RBFOX1: variants seen among roughly 807,000 people sequenced by gnomAD.
The protein encoded by RBFOX1 is RNA binding protein fox-1 homolog 1.
RBFOX1 carries 8 observed loss-of-function variants against 57.7 expected under a neutral mutation model. That is an observed-to-expected ratio of 0.14 (90% CI 0.08 to 0.25). The LOEUF is 0.25. Ranked by LOEUF, RBFOX1 falls within the 10% of genes least tolerant of loss-of-function variation. The pLI is 1.00. For missense variants in RBFOX1, 611 were observed against 548.5 expected, an observed-to-expected ratio of 1.11 and a Z score of -1.14; for synonymous variants, 326 against 222.4, an observed-to-expected ratio of 1.47 and a Z score of -4.15.
intron 4 of RBFOX1, among the ~76,000 whole-genome samples, chr16:6,004,003 G>A (rs950067303): frequency 1.3e-5 from 2 of 152,164 alleles, no homozygotes; most frequent in African/African-American, 4.8e-5. Flanking sequence ...TTTATTGAGA[G>A]GACTAGAAGG....
intron 3 of RBFOX1, among the ~76,000 whole-genome samples, chr16:6,851,431 A>C (rs1012960797): frequency 3.3e-5 from 5 of 152,318 alleles, no homozygotes; most frequent in Non-Finnish European, 5.9e-5. Flanking sequence ...TTACTTATTA[A>C]ATTACATGTG....
At chr16:7,703,676 T>TAG (rs1486823433) in intron 14 of RBFOX1, among the ~76,000 whole-genome samples, 5 of 152,218 alleles carry the variant, frequency 3.3e-5, no homozygotes, top group African/African-American at 9.6e-5. Context: ...ACATAGTACT[T>TAG]CTTGCTAACG....
intron 4 of RBFOX1, among the ~76,000 whole-genome samples, chr16:7,215,838 C>G (rs575910840): frequency 6.6e-6 from 1 of 151,454 alleles, no homozygotes; most frequent in Non-Finnish European, 1.5e-5. Context: ...CATTCTCCTG[C>G]CTCAGCCTCC....
chr16:6,535,171 T>C (rs1254752362), intron 2 of RBFOX1, among the ~76,000 whole-genome samples: 2 of 152,196 alleles, frequency 1.3e-5, no homozygotes, highest in Non-Finnish European at 2.9e-5. Flanking sequence ...GGACTTTTTC[T>C]GTGTGAGCAC....
chr16:5,632,412 T>A (rs1223681695), intron 3 of RBFOX1: 1 of 152,188 alleles, frequency 6.6e-6, no homozygotes, highest in African/African-American at 2.4e-5. Flanking sequence ...CTACCCTGTA[T>A]GTTGTGGTGA....
chr16:7,487,668 C>G (rs772544312), intron 4 of RBFOX1, among the ~76,000 whole-genome samples: 2 of 152,156 alleles, frequency 1.3e-5, no homozygotes, highest in Non-Finnish European at 2.9e-5. Context: ...CCGAGCACCA[C>G]ACGCACAGAC....
chr16:6,859,175 GTATATATATGTATATATATATGTATA>G (rs2058543937), intron 3 of RBFOX1, among the ~76,000 whole-genome samples: 1 of 66,518 alleles, frequency 1.5e-5, no homozygotes, highest in Admixed American at 1.7e-4. Flanking sequence ...GTATATATAT[GTATATATATGTATATATATATGTATA>G]TATATATATA....
intron 3 of RBFOX1, among the ~76,000 whole-genome samples, chr16:5,678,299 G>T (rs2050225421): frequency 6.6e-6 from 1 of 152,132 alleles, no homozygotes; most frequent in Non-Finnish European, 1.5e-5. Flanking sequence ...ACTGTTCTGT[G>T]GTGTCATCTG....
At chr16:5,926,336 G>T (rs2058940359) in intron 4 of RBFOX1, among the ~76,000 whole-genome samples, 1 of 152,122 alleles carries the variant, frequency 6.6e-6, no homozygotes, top group Admixed American at 6.5e-5. Flanking sequence ...GAAGGGTTGG[G>T]GCTGGAACAG....
intron 5 of RBFOX1, among the ~76,000 whole-genome samples, chr16:7,565,269 C>T (rs949729703): frequency 5.3e-5 from 8 of 152,028 alleles, no homozygotes; most frequent in African/African-American, 1.7e-4. Flanking sequence ...CATGATTTTT[C>T]TTCCCCCGCC....
intron 3 of RBFOX1, among the ~76,000 whole-genome samples, chr16:6,946,838 A>G (rs1421688235): frequency 6.6e-6 from 1 of 152,154 alleles, no homozygotes; most frequent in Non-Finnish European, 1.5e-5. Context: ...CAGTTTCTGA[A>G]TCTCAAGCAA....
intron 3 of RBFOX1, among the ~76,000 whole-genome samples, chr16:5,721,883 C>T (rs1377871260): frequency 6.6e-6 from 1 of 152,210 alleles, no homozygotes; most frequent in South Asian, 2.1e-4. Flanking sequence ...GCACAAGATT[C>T]ACTGCTTCAT....
chr16:6,601,358 A>G (rs2097850743), intron 2 of RBFOX1, among the ~76,000 whole-genome samples: 1 of 152,144 alleles, frequency 6.6e-6, no homozygotes, highest in Non-Finnish European at 1.5e-5. Context: ...CTACTTGGTT[A>G]TATTTAATGG....
At chr16:6,803,673 C>A (rs145825040) in intron 3 of RBFOX1, among the ~76,000 whole-genome samples, 1 of 152,158 alleles carries the variant, frequency 6.6e-6, no homozygotes, top group Admixed American at 6.5e-5. Context: ...TCTCCCTGAA[C>A]AAATATGCAG....
chr16:6,969,283 C>T lies in RBFOX1; in HGVS notation c.-15-82774C>T, dbSNP rs528033781. On this transcript the variant is annotated intron_variant, in intron 3 of 15. Transcript: ENST00000550418. ...ATTATGGATTTTAAAAATGCTTAGG[C>T]AGTTACTCAACGAATCCTATTTAGT... Among the ~76,000 whole-genome samples the T allele has an allele frequency of 2.2e-4, 34 of 152,230 alleles. 1 individual carries two copies. The South Asian group carries it at 6.0e-3, about 27-fold the overall frequency.
At chr16:7,603,744 G>C (rs933858633) in intron 9 of RBFOX1, among the ~76,000 whole-genome samples, 1 of 152,194 alleles carries the variant, frequency 6.6e-6, no homozygotes, top group Non-Finnish European at 1.5e-5. Flanking sequence ...AAAAAGGGAA[G>C]TGGTACCAAA....
chr16:6,638,313 T>G (rs1472807038), intron 2 of RBFOX1, among the ~76,000 whole-genome samples: 1 of 152,172 alleles, frequency 6.6e-6, no homozygotes, highest in Non-Finnish European at 1.5e-5. Context: ...ATTAGTGTTT[T>G]AAAGAATAAG....
chr16:7,253,216 G>T (rs2094555671), intron 4 of RBFOX1, among the ~76,000 whole-genome samples: 2 of 152,286 alleles, frequency 1.3e-5, no homozygotes, highest in African/African-American at 4.8e-5. Context: ...AGAACCTGTG[G>T]TTCATAGTGG....
intron 2 of RBFOX1, among the ~76,000 whole-genome samples, chr16:6,444,905 G>A (rs913946414): frequency 6.6e-6 from 1 of 152,140 alleles, no homozygotes; most frequent in Non-Finnish European, 1.5e-5. Context: ...GAACGGCCAG[G>A]TTTTCGTTTT....
Sources: allele counts gnomAD v4.1 joint callset (sites outside exome capture counted in the v4.1 genomes callset), GRCh38; gene constraint gnomAD v4.1.1; transcripts MANE v1.5; gene names NCBI Gene and HGNC (gene_info 2026-07-23, HGNC 2026-07-21).